NXN: variants seen among roughly 807,000 people sequenced by gnomAD.
The protein encoded by NXN is nucleoredoxin, also known as nucleoredoxin 1.
NXN carries 16 observed loss-of-function variants against 48.6 expected under a neutral mutation model. The ratio of observed to expected loss-of-function variants is 0.33; its 90% CI spans 0.22 to 0.50. NXN has a LOEUF of 0.50. NXN is among the 20% of genes least tolerant of loss of function. The probability of loss-of-function intolerance (pLI) is 0.98; values close to 1 mark genes in which losing one functional copy is unlikely to be tolerated. For missense variants in NXN, 492 were observed against 605.5 expected (o/e 0.81, Z 1.97); for synonymous variants, 281 against 269.6 (o/e 1.04, Z -0.41).
At chr17:852,859 GTTTCCCCAGGATGCCTA>G (rs2067939326) in intron 1 of NXN, among the ~76,000 whole-genome samples, 1 of 152,180 alleles carries the variant, frequency 6.6e-6, no homozygotes, top group Non-Finnish European at 1.5e-5. Flanking sequence ...CAGGACCACT[GTTTCCCCAGGATGCCTA>G]TTTCCCCAGG....
chr17:840,105 AAAAG>A (rs200329833), intron 1 of NXN, among the ~76,000 whole-genome samples: 7,173 of 151,834 alleles, frequency 0.047, 275 homozygotes, highest in East Asian at 0.23. Flanking sequence ...AAAAAAAAAA[AAAAG>A]AGAGAGAGAG....
intron 1 of NXN, among the ~76,000 whole-genome samples, chr17:944,096 G>A (rs551813587): frequency 1.8e-4 from 28 of 151,582 alleles, no homozygotes; most frequent in Non-Finnish European, 3.5e-4. Flanking sequence ...AATATTAGCT[G>A]GGTGTGGTGA....
At chr17:934,220 C>T (rs28480276) in intron 1 of NXN, among the ~76,000 whole-genome samples, 69,672 of 151,690 alleles carry the variant, frequency 0.46, 16,874 homozygotes, top group African/African-American at 0.62. Flanking sequence ...CTCAGGCAGG[C>T]GGATCACGAG....
chr17:948,446 C>G (rs1470017430), intron 1 of NXN, among the ~76,000 whole-genome samples: 1 of 152,104 alleles, frequency 6.6e-6, no homozygotes, highest in Non-Finnish European at 1.5e-5. Flanking sequence ...GCAACTTTGG[C>G]ATCACGGGAT....
At chr17:819,079 T>C (rs1912656614) in intron 5 of NXN, 2 of 323,152 alleles carry the variant, frequency 6.2e-6, no homozygotes, top group Admixed American at 4.6e-5. Context: ...CCTGAGTAGC[T>C]GGTACTACAG....
chr17:851,106 T>A lies in NXN; in HGVS notation c.361-25028A>T, dbSNP rs1597662688. 2.6e-5 allele frequency among the ~76,000 whole-genome samples: 4 copies of A among 152,362 alleles called. No individual in the cohort carries two copies. In the South Asian group the frequency reaches 6.2e-4, roughly 24 times the overall value. ...AGGCTGACCGCTTTAAAGAGCATGA[T>A]AATCCTGTCAACGTTTAGCAGAACC... On this transcript the variant is annotated intron_variant, in intron 1 of 7. Transcript: ENST00000336868.
chr17:812,749 A>AGGTGTGT (rs1912177260), intron 5 of NXN, among the ~76,000 whole-genome samples: 3 of 111,358 alleles, frequency 2.7e-5, no homozygotes, highest in African/African-American at 1.1e-4. Flanking sequence ...TGCGTGAGTG[A>AGGTGTGT]GAGTGTGCAT....
chr17:908,170 T>C (rs548171242), intron 1 of NXN: 5 of 152,296 alleles, frequency 3.3e-5, no homozygotes, highest in African/African-American at 9.6e-5. Flanking sequence ...AGGGGTGAGC[T>C]ATAAAGGAAG....
chr17:923,660 G>A (rs1423454214), intron 1 of NXN, among the ~76,000 whole-genome samples: 1 of 152,222 alleles, frequency 6.6e-6, no homozygotes, highest in Admixed American at 6.5e-5. Context: ...GTCCAGCATT[G>A]GGGACAGGTC....
In NXN at chr17:899,992, G is replaced by A. The variant is rs1474309828; in HGVS notation, c.361-73914C>T. Reference sequence around the variant, plus strand: ...ACTAAAACTTTTCTGAGGGCCGGGCGTGGTGGCTCATGCCCGTAATCCCAG... The same window carrying A: ...ACTAAAACTTTTCTGAGGGCCGGGCATGGTGGCTCATGCCCGTAATCCCAG... On this transcript the variant is annotated intron_variant, in intron 1 of 7. Coordinates refer to ENST00000336868, the MANE Select transcript of NXN (RefSeq NM_022463.5). 3.3e-5 allele frequency among the ~76,000 whole-genome samples: 5 copies of A among 152,174 alleles called. No individual in the cohort carries two copies. The South Asian group carries it at 8.3e-4, about 25-fold the overall frequency.
rs57517105 is a variant in NXN, at chr17:857,971, C to CT, written c.361-31894dup. On this transcript the variant is annotated intron_variant, in intron 1 of 7. Coordinates refer to ENST00000336868, the MANE Select transcript of NXN (RefSeq NM_022463.5). ...TTCCTTTTTAACCAAAGATATAAATCTTTTTTTTTTTTTTTTGAGATGGGG... is the reference window on the plus strand; with the variant it reads ...TTCCTTTTTAACCAAAGATATAAATCTTTTTTTTTTTTTTTTTGAGATGGGG... Among the ~76,000 whole-genome samples, 826 of 140,636 alleles carry CT rather than the reference C, an allele frequency of 5.9e-3. 9 individuals carry two copies. Among genetic ancestry groups the CT allele is most frequent in the East Asian group, 0.02 (97 of 4,888 alleles). The allele number at this position is 140,636 out of a possible 152,430, so 92.3% of individuals were successfully genotyped here.
chr17:976,397 T>G (rs2069458455), intron 1 of NXN, among the ~76,000 whole-genome samples: 1 of 152,090 alleles, frequency 6.6e-6, no homozygotes, highest in Non-Finnish European at 1.5e-5. Context: ...AATAACTAAT[T>G]AGAACCATAC....
chr17:895,616 T>C (rs574625403), intron 1 of NXN, among the ~76,000 whole-genome samples: 2 of 147,726 alleles, frequency 1.4e-5, no homozygotes, highest in Admixed American at 6.8e-5. Context: ...ATCAAGACCA[T>C]CCTGGCTAAC....
At chr17:847,155 C>G (rs1228909236) in intron 1 of NXN, among the ~76,000 whole-genome samples, 1 of 152,078 alleles carries the variant, frequency 6.6e-6, no homozygotes, top group Admixed American at 6.6e-5. Flanking sequence ...TACCTGTCCC[C>G]CCGCGGAGCC....
chr17:843,013 A>AG (rs1491305933), intron 1 of NXN, among the ~76,000 whole-genome samples: 62 of 100,400 alleles, frequency 6.2e-4, no homozygotes, highest in Non-Finnish European at 6.9e-4. Context: ...AGAGAGAAAG[A>AG]AAGAAAGAAA....
chr17:940,803 C>G (rs555361564), intron 1 of NXN, among the ~76,000 whole-genome samples: 1 of 150,884 alleles, frequency 6.6e-6, no homozygotes, highest in Non-Finnish European at 1.5e-5. Context: ...AAATAGATTC[C>G]AGGGTGCAGC....
At chr17:827,012 G>A (rs896506051) in intron 1 of NXN, among the ~76,000 whole-genome samples, 4 of 152,220 alleles carry the variant, frequency 2.6e-5, no homozygotes, top group African/African-American at 9.6e-5. Context: ...ATGGGCAGGT[G>A]ACTGGGTGCT....
intron 4 of NXN, among the ~76,000 whole-genome samples, chr17:820,352 C>T (rs956906840): frequency 4.3e-4 from 65 of 152,198 alleles, no homozygotes; most frequent in South Asian, 6.2e-4. Flanking sequence ...TGGCTCACCC[C>T]TGTAATCCCA....
chr17:901,433 T>C (rs2144898799), intron 1 of NXN, among the ~76,000 whole-genome samples: 1 of 152,278 alleles, frequency 6.6e-6, no homozygotes, highest in Admixed American at 6.5e-5. Context: ...GCAGACCTGG[T>C]CCAACTCCCG....
Sources: allele counts gnomAD v4.1 joint callset (sites outside exome capture counted in the v4.1 genomes callset), GRCh38; gene constraint gnomAD v4.1.1; transcripts MANE v1.5; gene names NCBI Gene and HGNC (gene_info 2026-07-23, HGNC 2026-07-21).